The following IMMP2L variants were observed in gnomAD, a reference collection of about 807,000 sequenced individuals.
IMMP2L encodes the protein mitochondrial inner membrane protease subunit 2.
Under a neutral mutation model 19.3 loss-of-function variants are expected in IMMP2L, and 18 were observed. The observed-to-expected ratio is 0.93, with a 90% confidence interval of 0.64 to 1.38. The LOEUF (loss-of-function observed/expected upper bound fraction) is 1.38. Among genes scored for constraint, IMMP2L ranks in the 40% most tolerant of loss-of-function variants. The probability of loss-of-function intolerance (pLI) is 0.00; values close to 1 mark genes in which losing one functional copy is unlikely to be tolerated. For synonymous variants in IMMP2L, 76 were observed against 73.0 expected, an observed-to-expected ratio of 1.04 and a Z score of -0.21; for missense variants, 233 against 218.2, an observed-to-expected ratio of 1.07 and a Z score of -0.43.
At chr7:110,826,279 C>T (rs933002473) in intron 5 of IMMP2L, among the ~76,000 whole-genome samples, 17 of 152,126 alleles carry the variant, frequency 1.1e-4, no homozygotes, top group Admixed American at 6.5e-5. Context: ...GTCAGTGTGG[C>T]GATTCCTCGG....
At chr7:111,399,607 A>C (rs1258195811) in intron 3 of IMMP2L, among the ~76,000 whole-genome samples, 1 of 152,088 alleles carries the variant, frequency 6.6e-6, no homozygotes, top group Non-Finnish European at 1.5e-5. Context: ...CATCAGCCTC[A>C]GCCTCCCAAA....
At chr7:110,821,887 C>T (rs1354758769) in intron 5 of IMMP2L, among the ~76,000 whole-genome samples, 1 of 152,088 alleles carries the variant, frequency 6.6e-6, no homozygotes, top group Non-Finnish European at 1.5e-5. Context: ...CACGTCACTG[C>T]ACTCCAGCCT....
At chr7:111,306,468 C>A (rs189900252) in intron 3 of IMMP2L, among the ~76,000 whole-genome samples, 2 of 152,188 alleles carry the variant, frequency 1.3e-5, no homozygotes, top group East Asian at 3.9e-4. Flanking sequence ...ACTAAAACTT[C>A]TCTAAAAATT....
intron 5 of IMMP2L, among the ~76,000 whole-genome samples, chr7:110,876,163 CAAAG>C (rs1487831785): frequency 2.6e-5 from 4 of 151,936 alleles, no homozygotes; most frequent in East Asian, 3.9e-4. Context: ...ATAATAATGA[CAAAG>C]AAATTTTTAA....
intron 5 of IMMP2L, among the ~76,000 whole-genome samples, chr7:110,779,732 A>T (rs1017261175): frequency 6.6e-6 from 1 of 151,866 alleles, no homozygotes; most frequent in Non-Finnish European, 1.5e-5. Flanking sequence ...ATATTCTACC[A>T]GGGATTAACT....
chr7:110,883,495 T>A (rs1415071345), intron 5 of IMMP2L, among the ~76,000 whole-genome samples: 1 of 152,148 alleles, frequency 6.6e-6, no homozygotes, highest in East Asian at 1.9e-4. Flanking sequence ...ATATTCAGTA[T>A]AACTTGAAGT....
At chr7:110,745,053 T>C (rs1797243388) in intron 5 of IMMP2L, among the ~76,000 whole-genome samples, 1 of 152,140 alleles carries the variant, frequency 6.6e-6, no homozygotes, top group African/African-American at 2.4e-5. Context: ...GAGTGAAGAA[T>C]ACAAATGACC....
At chr7:110,804,216 A>T (rs1801459047) in intron 5 of IMMP2L, among the ~76,000 whole-genome samples, 1 of 152,054 alleles carries the variant, frequency 6.6e-6, no homozygotes, top group African/African-American at 2.4e-5. Context: ...TTAGAAACAT[A>T]GTATTTATTT....
intron 3 of IMMP2L, among the ~76,000 whole-genome samples, chr7:111,251,387 C>A (rs190086048): frequency 7.0e-4 from 107 of 152,248 alleles, no homozygotes; most frequent in South Asian, 5.0e-3. Context: ...TTTGACCCAG[C>A]AATCCCATTA....
At chr7:111,183,203 A>T (rs2129611418) in intron 3 of IMMP2L, among the ~76,000 whole-genome samples, 1 of 152,230 alleles carries the variant, frequency 6.6e-6, no homozygotes, top group South Asian at 2.1e-4. Context: ...ATGCATAAAC[A>T]TTGTGTTTTT....
At chr7:110,798,496 T>A (rs1160835211) in intron 5 of IMMP2L, among the ~76,000 whole-genome samples, 1 of 152,016 alleles carries the variant, frequency 6.6e-6, no homozygotes, top group Non-Finnish European at 1.5e-5. Context: ...CTTAGACGGA[T>A]GAATGATTGA....
At chr7:111,446,024 G>A (rs936695147) in intron 3 of IMMP2L, among the ~76,000 whole-genome samples, 14 of 152,076 alleles carry the variant, frequency 9.2e-5, no homozygotes, top group African/African-American at 3.4e-4. Flanking sequence ...CGCACCACGA[G>A]ACTGTATCCC....
At chr7:110,854,343 A>G (rs6948090) in intron 5 of IMMP2L, among the ~76,000 whole-genome samples, 72,067 of 151,652 alleles carry the variant, frequency 0.48, 17,732 homozygotes, top group East Asian at 0.8. Context: ...AATGAATCCT[A>G]TGGAATGGTA....
At chr7:110,799,414 G>C (rs970385108) in intron 5 of IMMP2L, among the ~76,000 whole-genome samples, 3 of 152,006 alleles carry the variant, frequency 2.0e-5, no homozygotes, top group African/African-American at 7.2e-5. Context: ...CATATTTGTA[G>C]ACTAATTGAC....
intron 1 of IMMP2L, among the ~76,000 whole-genome samples, chr7:111,546,370 T>A (rs1848933373): frequency 6.6e-6 from 1 of 152,040 alleles, no homozygotes; most frequent in African/African-American, 2.4e-5. Context: ...CCAATTAGGT[T>A]TTAAAAAAAG....
At chr7:110,915,103 G>T (rs987399870) in intron 4 of IMMP2L, among the ~76,000 whole-genome samples, 4 of 152,092 alleles carry the variant, frequency 2.6e-5, no homozygotes, top group African/African-American at 9.7e-5. Context: ...ATATCCAAAG[G>T]AAATGAAAAC....
intron 3 of IMMP2L, among the ~76,000 whole-genome samples, chr7:111,419,149 G>T (rs747013955): frequency 6.6e-6 from 1 of 151,604 alleles, no homozygotes; most frequent in Non-Finnish European, 1.5e-5. Context: ...GCCTCCTACA[G>T]CTGTAGAATA....
chr7:111,430,417 A>G (rs1236763839), intron 3 of IMMP2L, among the ~76,000 whole-genome samples: 2 of 151,742 alleles, frequency 1.3e-5, no homozygotes, highest in Non-Finnish European at 2.9e-5. Context: ...AATGTCATCA[A>G]GTATGCCTTT....
At chr7:110,890,710 G>A (rs562911029) in intron 4 of IMMP2L, among the ~76,000 whole-genome samples, 1 of 152,240 alleles carries the variant, frequency 6.6e-6, no homozygotes, top group East Asian at 1.9e-4. Context: ...GGTTTTGACA[G>A]TCAAAAATGA....
Sources: gnomAD v4.1 joint callset for allele counts (sites outside exome capture counted in the v4.1 genomes callset) on GRCh38, gnomAD v4.1.1 for gene constraint, MANE v1.5 for transcripts, NCBI Gene and HGNC (gene_info 2026-07-23, HGNC 2026-07-21) for gene names.